The following BMPR1B variants were observed in gnomAD, a reference collection of about 807,000 sequenced individuals.
The protein encoded by BMPR1B is bone morphogenetic protein receptor type 1B.
A neutral mutation model predicts 59.1 loss-of-function variants in BMPR1B; 12 were observed. The ratio of observed to expected loss-of-function variants is 0.20; its 90% CI spans 0.13 to 0.33. BMPR1B has a LOEUF of 0.33. BMPR1B is among the 10% of genes least tolerant of loss of function. The pLI, the probability that BMPR1B is intolerant of heterozygous loss-of-function variation, is 1.00. For synonymous variants in BMPR1B, 237 were observed against 207.3 expected (o/e 1.14, Z -1.23); for missense variants, 550 against 610.9 (o/e 0.90, Z 1.05).
chr4:94,952,055 A>C (rs1426369318), intron 2 of BMPR1B, among the ~76,000 whole-genome samples: 1 of 152,040 alleles, frequency 6.6e-6, no homozygotes, highest in East Asian at 1.9e-4. Flanking sequence ...AGAGGTGTTT[A>C]TATTATTCTC....
chr4:95,040,889 A>G (rs1725606550), intron 3 of BMPR1B, among the ~76,000 whole-genome samples: 1 of 152,154 alleles, frequency 6.6e-6, no homozygotes, highest in Non-Finnish European at 1.5e-5. Flanking sequence ...TGGCTCTGGT[A>G]ACTTTATTCA....
intron 1 of BMPR1B, among the ~76,000 whole-genome samples, chr4:94,869,378 T>C (rs1184088162): frequency 6.6e-6 from 1 of 152,160 alleles, no homozygotes; most frequent in Non-Finnish European, 1.5e-5. Flanking sequence ...TGCTAAAATT[T>C]CTTCCAGATC....
intron 1 of BMPR1B, among the ~76,000 whole-genome samples, chr4:94,836,305 C>G (rs1724816619): frequency 6.6e-6 from 1 of 151,126 alleles, no homozygotes. Flanking sequence ...AAATGGTATT[C>G]TAGTTCTAGA....
At chr4:94,979,962 G>A (rs1731171951) in intron 2 of BMPR1B, among the ~76,000 whole-genome samples, 1 of 152,176 alleles carries the variant, frequency 6.6e-6, no homozygotes, top group African/African-American at 2.4e-5. Context: ...TTTTGTGGGG[G>A]TACCAGGTAT....
rs544291539 is a variant in BMPR1B, at chr4:95,133,466, C to T, written c.1076+1954C>T. ...TCTGAAGACTTCACACTTCTCATAC[C>T]ATCAAGTGTTTATAACATGCTTTTA... is the stretch of plus-strand genomic sequence containing the variant. On this transcript the variant is annotated intron_variant, in intron 10 of 12. Coordinates refer to ENST00000515059, the MANE Select transcript of BMPR1B (RefSeq NM_001203.3). 1.8e-3 allele frequency among the ~76,000 whole-genome samples: 275 copies of T among 152,322 alleles called. 1 individual carries two copies. Among genetic ancestry groups the T allele is most frequent in the Middle Eastern group, 0.01 (3 of 294 alleles).
chr4:94,980,757 C>A (rs114380091), intron 2 of BMPR1B, among the ~76,000 whole-genome samples: 2 of 152,110 alleles, frequency 1.3e-5, no homozygotes, highest in Non-Finnish European at 2.9e-5. Context: ...TGAATGAATA[C>A]AAATCATTGT....
At chr4:94,845,536 G>A (rs185981554) in intron 1 of BMPR1B, among the ~76,000 whole-genome samples, 2,198 of 152,094 alleles carry the variant, frequency 0.014, 37 homozygotes, top group East Asian at 0.074. Context: ...TAGAGACGGG[G>A]TTTCACCATG....
chr4:95,015,171 T>G (rs1455815328), intron 3 of BMPR1B, among the ~76,000 whole-genome samples: 1 of 152,170 alleles, frequency 6.6e-6, no homozygotes, highest in Non-Finnish European at 1.5e-5. Flanking sequence ...ATACAGGGTG[T>G]GCTGTATGCT....
intron 2 of BMPR1B, among the ~76,000 whole-genome samples, chr4:94,888,319 A>G (rs1727260916): frequency 6.6e-6 from 1 of 152,114 alleles, no homozygotes; most frequent in African/African-American, 2.4e-5. Flanking sequence ...ATAAATAAAT[A>G]TGCATTATAA....
intron 2 of BMPR1B, among the ~76,000 whole-genome samples, chr4:94,905,414 A>G (rs1727998056): frequency 6.6e-6 from 1 of 152,042 alleles, no homozygotes; most frequent in East Asian, 1.9e-4. Flanking sequence ...TATAGTTTTT[A>G]TAATTAGCTT....
intron 12 of BMPR1B, among the ~76,000 whole-genome samples, chr4:95,154,071 G>T (rs1168925535): frequency 6.6e-6 from 1 of 152,180 alleles, no homozygotes; most frequent in African/African-American, 2.4e-5. Context: ...AATAATTGAT[G>T]TACCACAGGA....
At chr4:94,782,901 G>C (rs1488160849) in intron 1 of BMPR1B, among the ~76,000 whole-genome samples, 1 of 151,768 alleles carries the variant, frequency 6.6e-6, no homozygotes, top group African/African-American at 2.4e-5. Context: ...GGACATTTTA[G>C]GCAATATATT....
At chr4:95,124,280 A>G (rs1474396598) in intron 7 of BMPR1B, among the ~76,000 whole-genome samples, 2 of 152,058 alleles carry the variant, frequency 1.3e-5, no homozygotes, top group Non-Finnish European at 2.9e-5. Flanking sequence ...CTGATTATTA[A>G]AAGATTTTAA....
intron 2 of BMPR1B, among the ~76,000 whole-genome samples, chr4:94,973,378 A>G (rs1435108551): frequency 6.6e-6 from 1 of 152,118 alleles, no homozygotes. Flanking sequence ...AACTGTGGGG[A>G]ATTTTATTGT....
intron 3 of BMPR1B, among the ~76,000 whole-genome samples, chr4:95,029,725 C>A (rs1233286747): frequency 6.6e-6 from 1 of 152,090 alleles, no homozygotes; most frequent in Non-Finnish European, 1.5e-5. Flanking sequence ...GTTTACAGTC[C>A]CACCAACAGT....
intron 2 of BMPR1B, among the ~76,000 whole-genome samples, chr4:94,956,517 G>A (rs1730146440): frequency 6.6e-6 from 1 of 151,992 alleles, no homozygotes; most frequent in South Asian, 2.1e-4. Flanking sequence ...TTTCTTGTTT[G>A]TATGATGAAA....
intron 3 of BMPR1B, among the ~76,000 whole-genome samples, chr4:95,066,682 G>C (rs1206848794): frequency 6.6e-6 from 1 of 152,164 alleles, no homozygotes; most frequent in African/African-American, 2.4e-5. Context: ...TCAAATTGTG[G>C]TCCCTGCAGT....
intron 8 of BMPR1B, among the ~76,000 whole-genome samples, chr4:95,128,315 C>CT (rs1240490401): frequency 2.0e-5 from 3 of 152,148 alleles, no homozygotes; most frequent in South Asian, 2.1e-4. Flanking sequence ...AAAAGAAAAA[C>CT]TTTAAGTTTT....
At chr4:94,959,048 A>T (rs1278134022) in intron 2 of BMPR1B, among the ~76,000 whole-genome samples, 1 of 152,166 alleles carries the variant, frequency 6.6e-6, no homozygotes, top group Non-Finnish European at 1.5e-5. Flanking sequence ...GGTAGGTGTC[A>T]GTAGGATAAG....
Sources: gnomAD v4.1 joint callset for allele counts (sites outside exome capture counted in the v4.1 genomes callset) on GRCh38, gnomAD v4.1.1 for gene constraint, MANE v1.5 for transcripts, NCBI Gene and HGNC (gene_info 2026-07-23, HGNC 2026-07-21) for gene names.